Variants in PCGF5 observed in about 807,000 individuals in gnomAD.
PCGF5 encodes polycomb group RING finger protein 5.
A neutral mutation model predicts 44.3 loss-of-function variants in PCGF5; 9 were observed. The ratio of observed to expected loss-of-function variants is 0.20; its 90% CI spans 0.12 to 0.35. The LOEUF (loss-of-function observed/expected upper bound fraction) is 0.35, where lower values mean the gene tolerates loss of function less well. Among genes scored for constraint, PCGF5 ranks in the 10% least tolerant of loss-of-function variants. The pLI is 1.00. For synonymous variants in PCGF5, 95 were observed against 102.5 expected, an observed-to-expected ratio of 0.93 and a Z score of 0.44; for missense variants, 146 against 305.3, an observed-to-expected ratio of 0.48 and a Z score of 3.89.
intron 2 of PCGF5, among the ~76,000 whole-genome samples, chr10:91,240,261 A>G (rs541179005): frequency 6.6e-6 from 1 of 152,344 alleles, no homozygotes; most frequent in Admixed American, 6.5e-5. Context: ...CATTTAAGAA[A>G]ACAATAAGCA....
At chr10:91,189,112 A>G (rs951514981) in intron 1 of PCGF5, among the ~76,000 whole-genome samples, 1 of 152,220 alleles carries the variant, frequency 6.6e-6, no homozygotes, top group Admixed American at 6.5e-5. Flanking sequence ...GCTGACTAAG[A>G]CATTCCACTT....
chr10:91,195,628 G>T (rs77215169), intron 1 of PCGF5, among the ~76,000 whole-genome samples: 2,150 of 144,922 alleles, frequency 0.015, 47 homozygotes, highest in African/African-American at 0.047. Context: ...TAGAGATGAG[G>T]TTCTCACTGT....
At position 91,278,486 on chromosome 10, in the gene PCGF5, A is replaced by C. The variant is rs928146949; in HGVS notation, c.*170A>C. On this transcript the variant is annotated 3_prime_UTR_variant, in exon 10 of 10. Transcript: ENST00000336126. Reference sequence around the variant, plus strand: ...CAGTTGCATTCATGTTGTTTCTATTAGGAGCAAACCAAGTGCCATTCTGCT... The same window carrying C: ...CAGTTGCATTCATGTTGTTTCTATTCGGAGCAAACCAAGTGCCATTCTGCT... 9 of 638,870 alleles carry C rather than the reference A, an allele frequency of 1.4e-5. No individual in the cohort carries two copies. The Admixed American group carries it at 2.2e-4, about 16-fold the overall frequency. The allele number at this position is 638,870 out of a possible 1,614,324, so 39.6% of individuals were successfully genotyped here. A position where few individuals can be genotyped will look rare whatever the true frequency, so the allele number is the denominator to read the frequency against.
intron 1 of PCGF5, among the ~76,000 whole-genome samples, chr10:91,196,707 C>G (rs1195287814): frequency 3.3e-5 from 5 of 152,166 alleles, no homozygotes; most frequent in African/African-American, 1.2e-4. Context: ...TTGTTGGTCC[C>G]CCTCACAGAC....
Position 91,271,678 on chromosome 10 carries a change from A to G in PCGF5, c.704A>G (p.Gln235Arg), listed in dbSNP as rs771114816. The change falls in exon 9 of 10, where the codon CAG becomes CGG. Residue 235 changes from glutamine (Q) to arginine (R), a missense_variant. Physicochemically the swap from Gln to Arg is conservative, Grantham distance 43. Transcript: ENST00000336126. ...LNCSASQVCS[Q>R]DGPLYQSYPM... is the part of the protein sequence containing the mutation. ...TGCTCAGCTTCGCAAGTCTGCTCTCAGGATGGCCCTTTGTATCAGGTAAGA... is the reference window on the plus strand; with the variant it reads ...TGCTCAGCTTCGCAAGTCTGCTCTCGGGATGGCCCTTTGTATCAGGTAAGA... 1.9e-6 allele frequency: 3 copies of G among 1,613,806 alleles called. No homozygotes were observed. The Admixed American group carries it at 5.0e-5, about 27-fold the overall frequency.
At chr10:91,166,638 C>G (rs1333330865) in intron 1 of PCGF5, among the ~76,000 whole-genome samples, 1 of 152,136 alleles carries the variant, frequency 6.6e-6, no homozygotes, top group African/African-American at 2.4e-5. Flanking sequence ...GTCAGGACAT[C>G]TGATGGGTGT....
chr10:91,163,133 G>A (rs570188509), intron 1 of PCGF5: 3 of 150,064 alleles, frequency 2.0e-5, no homozygotes, highest in African/African-American at 7.3e-5. Context: ...ACGCGGCCCA[G>A]GGAAGTTTCT....
chr10:91,188,088 G>A (rs946687643), intron 1 of PCGF5, among the ~76,000 whole-genome samples: 4 of 152,110 alleles, frequency 2.6e-5, no homozygotes, highest in African/African-American at 7.2e-5. Flanking sequence ...TAACTCCCCC[G>A]AACAGGAACA....
intron 6 of PCGF5, among the ~76,000 whole-genome samples, chr10:91,259,911 A>G (rs1294647196): frequency 3.9e-5 from 6 of 151,992 alleles, no homozygotes; most frequent in African/African-American, 1.5e-4. Flanking sequence ...ATGGGCAAGG[A>G]CTTCATGTCT....
At chr10:91,158,769 C>T (rs536688710), upstream of PCGF5, among the ~76,000 whole-genome samples, 2 of 152,260 alleles carry the variant, frequency 1.3e-5, no homozygotes, top group African/African-American at 4.8e-5. Context: ...TAAGGAACTA[C>T]TAAAATTTAA....
intron 1 of PCGF5, among the ~76,000 whole-genome samples, chr10:91,164,223 C>A (rs977515869): frequency 6.6e-6 from 1 of 151,840 alleles, no homozygotes; most frequent in Non-Finnish European, 1.5e-5. Flanking sequence ...ACAGCGGGGT[C>A]CCCCCCTTCC....
At chr10:91,178,392 TTTC>T (rs1487333578) in intron 1 of PCGF5, among the ~76,000 whole-genome samples, 1 of 143,852 alleles carries the variant, frequency 7.0e-6, no homozygotes, top group Non-Finnish European at 1.5e-5. Flanking sequence ...TTTCTTTTCT[TTTC>T]TTTTTTTTTT....
At position 91,278,441 on chromosome 10, in the gene PCGF5, A is replaced by T. The variant is rs756845994; in HGVS notation, c.*125A>T. ...AGATTTTCAGCATGCAAATAAGGCC[A>T]TTGTCTATCTCTAAATTGTCAGTTG... On this transcript the variant is annotated 3_prime_UTR_variant, in exon 10 of 10. Transcript: ENST00000336126. 11 of 819,224 alleles carry T rather than the reference A, an allele frequency of 1.3e-5. No homozygotes were observed. Among genetic ancestry groups the T allele is most frequent in the Admixed American group, 1.0e-4 (5 of 47,948 alleles). The allele number at this position is 819,224 out of a possible 1,614,324, so 50.7% of individuals were successfully genotyped here. A position where few individuals can be genotyped will look rare whatever the true frequency, so the allele number is the denominator to read the frequency against.
At chr10:91,162,035 G>A (rs1411365858), upstream of PCGF5, among the ~76,000 whole-genome samples, 5 of 151,992 alleles carry the variant, frequency 3.3e-5, no homozygotes, top group Non-Finnish European at 1.5e-5. Context: ...CAGGAGCTGA[G>A]TCCAACAAAG....
intron 1 of PCGF5, among the ~76,000 whole-genome samples, chr10:91,213,160 A>G (rs1378876219): frequency 1.3e-5 from 2 of 152,202 alleles, no homozygotes; most frequent in Non-Finnish European, 2.9e-5. Flanking sequence ...TAGCACTCCA[A>G]ATATAATGCC....
At position 91,195,465 on chromosome 10, in the gene PCGF5, TGCATGC is replaced by T. The variant is rs1564630591; in HGVS notation, c.-183-27223_-183-27218del. 1.6e-3 allele frequency among the ~76,000 whole-genome samples: 163 copies of T among 100,232 alleles called. 1 individual carries two copies. Among genetic ancestry groups the T allele is most frequent in the African/African-American group, 5.1e-3 (156 of 30,704 alleles). 65.8% of individuals were successfully genotyped at this position (100,232 alleles called of 152,430 possible). A position where few individuals can be genotyped will look rare whatever the true frequency, so the allele number is the denominator to read the frequency against. ...ATGTATATATATGCATATATATATA[TGCATGC>T]ATATATATATATATAGAGAGAGAGA... On this transcript the variant is annotated intron_variant, in intron 1 of 9. Transcript: ENST00000614189.
At position 91,240,462 on chromosome 10, in the gene PCGF5, C is replaced by G. The variant is rs547171958; in HGVS notation, c.113-22C>G. On this transcript the variant is annotated intron_variant, in intron 2 of 9. Transcript: ENST00000336126. ...GAGCGTTCATATGATGCGTTTTAACCTAACATCTTCTTTCTTCTTAGTCTG... is the reference window on the plus strand; with the variant it reads ...GAGCGTTCATATGATGCGTTTTAACGTAACATCTTCTTTCTTCTTAGTCTG... The G allele has an allele frequency of 3.7e-5, 57 of 1,541,974 alleles. 1 individual carries two copies. In the South Asian group the frequency reaches 5.5e-4, roughly 15 times the overall value.
At chr10:91,203,270 G>A (rs2133237844) in intron 1 of PCGF5, among the ~76,000 whole-genome samples, 1 of 152,312 alleles carries the variant, frequency 6.6e-6, no homozygotes, top group African/African-American at 2.4e-5. Flanking sequence ...CAGGATGATT[G>A]CATGTCTTTT....
At chr10:91,220,993 G>A (rs920064399) in intron 1 of PCGF5, among the ~76,000 whole-genome samples, 157 bp downstream of exon 1, 1 of 152,004 alleles carries the variant, frequency 6.6e-6, no homozygotes, top group Non-Finnish European at 1.5e-5. Context: ...ACCCGGGCGG[G>A]GGCTTCGGAG....
Sources: gnomAD v4.1 joint callset for allele counts (sites outside exome capture counted in the v4.1 genomes callset) on GRCh38, gnomAD v4.1.1 for gene constraint, MANE v1.5 for transcripts, NCBI Gene and HGNC (gene_info 2026-07-23, HGNC 2026-07-21) for gene names.